Variants in MCM3AP observed in about 807,000 individuals in gnomAD.
MCM3AP encodes germinal-center associated nuclear protein.
A neutral mutation model predicts 184.1 loss-of-function variants in MCM3AP; 126 were observed. That is an observed-to-expected ratio of 0.68 (90% CI 0.59 to 0.79). MCM3AP has a LOEUF of 0.79. Ranked by LOEUF, MCM3AP falls within the 30% of genes least tolerant of loss-of-function variation. The pLI is 0.00. For missense variants in MCM3AP, 2,496 were observed against 2,479.2 expected (o/e 1.01, Z -0.14); for synonymous variants, 1,002 against 979.3 (o/e 1.02, Z -0.43).
intron 2 of MCM3AP, 114 bp from the exon 3 acceptor site, chr21:46,280,689 C>T (rs1306423274): frequency 8.6e-6 from 6 of 700,614 alleles, no homozygotes; most frequent in East Asian, 2.5e-5. Context: ...CCAGGAGCTC[C>T]TGTCCTTTGC....
intron 4 of MCM3AP, among the ~76,000 whole-genome samples, chr21:46,278,360 T>C (rs1380122560): frequency 6.6e-6 from 1 of 152,236 alleles, no homozygotes; most frequent in African/African-American, 2.4e-5. Flanking sequence ...AGCTTCCCCA[T>C]TTTCTAGCTT....
rs1358805937 is a variant in MCM3AP at position 46,270,447 on chromosome 21, G to A, written c.2582C>T (p.Ser861Leu). Residue 861 changes from serine to leucine, a missense_variant, in exon 9 of 28, where the codon TCA becomes TTA. This residue lies in a region of MCM3AP where 138 missense variants were observed against 191.9 expected (regional missense o/e 0.72). Coordinates refer to ENST00000291688, the MANE Select transcript of MCM3AP (RefSeq NM_003906.5). ...NFVRFFKLVQ[S>L]ASYLNACLLH... Reference sequence around the variant, plus strand: ...AAGACAAGCGTTCAGGTAAGAAGCTGACTGGACCAGTTTGAAAAATCTCAC... The same window carrying A: ...AAGACAAGCGTTCAGGTAAGAAGCTAACTGGACCAGTTTGAAAAATCTCAC... 3.1e-6 allele frequency: 5 copies of A among 1,613,836 alleles called. No homozygotes were observed. The African/African-American group carries it at 4.0e-5, about 13-fold the overall frequency.
chr21:46,285,816 G>C (rs1452858686), upstream of MCM3AP: 2 of 152,786 alleles, frequency 1.3e-5, no homozygotes, highest in Non-Finnish European at 2.9e-5. Flanking sequence ...GCTTCCCTCG[G>C]AGCGGCTGGA....
intron 17 of MCM3AP, among the ~76,000 whole-genome samples, chr21:46,255,377 G>C (rs960585686): frequency 6.6e-6 from 1 of 152,172 alleles, no homozygotes; most frequent in African/African-American, 2.4e-5. Context: ...GGAGCGCTAG[G>C]GACGCCGCCG....
rs944145396 is a variant in MCM3AP at position 46,266,229 on chromosome 21, G to A, written c.2790-63C>T. ...AGGGGAGAAGACAGCTTCGCCCTCA[G>A]TGCCCTGCCGAGTACTGCAAGCCCC... On this transcript the variant is annotated intron_variant, in intron 10 of 27. Coordinates refer to ENST00000291688, the MANE Select transcript of MCM3AP (RefSeq NM_003906.5). The A allele has an allele frequency of 2.6e-6, 4 of 1,525,196 alleles. No individual in the cohort carries two copies. In the African/African-American group the frequency reaches 4.1e-5, roughly 16 times the overall value. 94.5% of individuals were successfully genotyped at this position (1,525,196 alleles called of 1,614,324 possible).
chr21:46,280,591 C>T lies in MCM3AP; in HGVS notation c.1444-16G>A. ...CTGCAGATGCCTGGAAAACAGTCCA[C>T]AACCGCCATGTGTGAGTATATCAGG... On this transcript the variant is annotated splice_polypyrimidine_tract_variant and intron_variant, in intron 2 of 27. Transcript: ENST00000291688. 1.3e-6 allele frequency: 2 copies of T among 1,578,370 alleles called. No individual in the cohort carries two copies. Among genetic ancestry groups the T allele is most frequent in the African/African-American group, 1.4e-5 (1 of 74,062 alleles).
intron 2 of MCM3AP, 41 bp from the exon 3 acceptor site, chr21:46,280,616 G>A (rs1427388946): frequency 2.2e-6 from 3 of 1,351,242 alleles, no homozygotes; most frequent in South Asian, 2.4e-5. Context: ...AGTATATCAG[G>A]AAACCAAAGG....
chr21:46,255,349 C>T (rs2080933848), intron 17 of MCM3AP, among the ~76,000 whole-genome samples: 1 of 152,110 alleles, frequency 6.6e-6, no homozygotes, highest in Admixed American at 6.5e-5. Flanking sequence ...GGGTTGGGTC[C>T]ACAATGCAGA....
At chr21:46,244,479 A>T in intron 23 of MCM3AP, 1 of 345,280 alleles carries the variant, frequency 2.9e-6, no homozygotes, top group Non-Finnish European at 5.3e-6. Context: ...GAAAACAGGG[A>T]CCCTGTGGGC....
At position 46,277,724 on chromosome 21, in the gene MCM3AP, A is replaced by T; in HGVS notation, c.1668-7T>A. 1 of 1,545,910 alleles carries T rather than the reference A, an allele frequency of 6.5e-7. No homozygotes were observed. The highest frequency in any genetic ancestry group is 8.8e-7 in the Non-Finnish European group (1 of 1,141,580). On this transcript the variant is annotated splice_polypyrimidine_tract_variant and splice_region_variant and intron_variant, in intron 4 of 27. Transcript: ENST00000291688. ...TGGCTTCTTCACTGGAGAGCTATAA[A>T]GTAAACACCACACTGAGGGCCCTCG...
rs17176940 is a variant in MCM3AP, at chr21:46,240,148, G to A, written c.5633+663C>T. On this transcript the variant is annotated intron_variant, in intron 26 of 27. Coordinates refer to ENST00000291688, the MANE Select transcript of MCM3AP (RefSeq NM_003906.5). Reference sequence around the variant, plus strand: ...CGAGAGAGATACTCATTGAATGAATGTCCTTGGGTAGGTGGGAGATGAGAT... The same window carrying A: ...CGAGAGAGATACTCATTGAATGAATATCCTTGGGTAGGTGGGAGATGAGAT... Among the ~76,000 whole-genome samples the A allele has an allele frequency of 4.6e-3, 707 of 152,244 alleles. 29 individuals are homozygous for A. In the South Asian group the frequency reaches 0.081, roughly 17 times the overall value.
At chr21:46,254,750 G>C in intron 18 of MCM3AP, 26 bp downstream of exon 18, 1 of 1,603,530 alleles carries the variant, frequency 6.2e-7, no homozygotes, top group Middle Eastern at 1.7e-4. Flanking sequence ...ACCAGGGGGT[G>C]CGCAGAAGGG....
At chr21:46,261,732 C>CAA (rs58763611) in intron 13 of MCM3AP, among the ~76,000 whole-genome samples, 40 of 110,932 alleles carry the variant, frequency 3.6e-4, no homozygotes, top group African/African-American at 1.2e-3. Context: ...GACTCTGTCT[C>CAA]AAAAAAAAAA....
At chr21:46,279,936 T>C (rs2081308343) in intron 4 of MCM3AP, 57 bp downstream of exon 4, 7 of 1,543,162 alleles carry the variant, frequency 4.5e-6, no homozygotes, top group Non-Finnish European at 5.3e-6. Flanking sequence ...GGTGTCGCTA[T>C]AGGGCGCTAT....
At chr21:46,275,646 G>T (rs867301809) in intron 5 of MCM3AP, among the ~76,000 whole-genome samples, 2 of 151,992 alleles carry the variant, frequency 1.3e-5, no homozygotes, top group Admixed American at 6.6e-5. Flanking sequence ...TAAAAGCAGG[G>T]GAGTGTCCTC....
intron 16 of MCM3AP, among the ~76,000 whole-genome samples, chr21:46,258,099 A>C (rs1035157391): frequency 2.0e-5 from 3 of 152,136 alleles, no homozygotes; most frequent in African/African-American, 7.2e-5. Context: ...CTCAGAGCAA[A>C]GCAGGGATCA....
chr21:46,244,244 AG>A (rs1338634853), intron 23 of MCM3AP, among the ~76,000 whole-genome samples: 2 of 152,264 alleles, frequency 1.3e-5, no homozygotes, highest in Non-Finnish European at 2.9e-5. Flanking sequence ...CTGAGTGCAT[AG>A]GAAGGAGCAG....
Position 46,235,386 on chromosome 21 carries a change from G to T in MCM3AP, c.5825C>A (p.Thr1942Lys), listed in dbSNP as rs766362107. ...TAGTCGTTCGCCTAGACACGTTCCT[G>T]TCGCCTCTGACAGCTGCAGTTGCTC... ...MREQLQLSEA[T>K]GTCLGERLKH... Residue 1942 changes from threonine to lysine, a missense_variant, in exon 28 of 28, where the codon ACA (threonine) becomes AAA (lysine). Thr to Lys is a moderately conservative substitution (Grantham distance 78). This residue lies in a region of MCM3AP where 1,323 missense variants were observed against 1,273.4 expected (regional missense o/e 1.04). Transcript: ENST00000291688. 4 of 1,614,062 alleles carry T rather than the reference G, an allele frequency of 2.5e-6. No homozygotes were observed. Among genetic ancestry groups the T allele is most frequent in the Admixed American group, 1.7e-5 (1 of 60,012 alleles).
intron 23 of MCM3AP, 52 bp downstream of exon 23, chr21:46,244,755 C>G: frequency 1.3e-6 from 2 of 1,546,746 alleles, no homozygotes; most frequent in South Asian, 2.5e-5. Context: ...GAGAAGGAAG[C>G]CTGAGACTTG....
Sources: gnomAD v4.1 joint callset for allele counts (sites outside exome capture counted in the v4.1 genomes callset) on GRCh38, gnomAD v4.1.1 for gene constraint, gnomAD v4.1.1 regional missense constraint, MANE v1.5 for transcripts, NCBI Gene and HGNC (gene_info 2026-07-23, HGNC 2026-07-21) for gene names.